UIMC1: variants seen among roughly 807,000 people sequenced by gnomAD.
The protein encoded by UIMC1 is BRCA1-A complex subunit RAP80.
UIMC1 carries 42 observed loss-of-function variants against 84.9 expected under a neutral mutation model. The observed-to-expected ratio is 0.49, with a 90% CI of 0.39 to 0.64. The LOEUF (loss-of-function observed/expected upper bound fraction) is 0.64, where lower values mean the gene tolerates loss of function less well. Ranked by LOEUF, UIMC1 falls within the 30% of genes least tolerant of loss-of-function variation. The pLI, the probability that UIMC1 is intolerant of heterozygous loss-of-function variation, is 0.00. For synonymous variants in UIMC1, 281 were observed against 293.0 expected, an observed-to-expected ratio of 0.96 and a Z score of 0.42; for missense variants, 825 against 847.6, an observed-to-expected ratio of 0.97 and a Z score of 0.33.
At chr5:176,992,827 C>T (rs896067041) in intron 1 of UIMC1, among the ~76,000 whole-genome samples, 1 of 151,706 alleles carries the variant, frequency 6.6e-6, no homozygotes, top group Non-Finnish European at 1.5e-5. Context: ...CAAAAAGCCA[C>T]CATAGAATGG....
chr5:176,973,620 A>G (rs902190412), intron 3 of UIMC1, among the ~76,000 whole-genome samples: 1 of 152,032 alleles, frequency 6.6e-6, no homozygotes, highest in Non-Finnish European at 1.5e-5. Flanking sequence ...ATTTTAAAAA[A>G]TAGCTGGGTG....
At chr5:177,006,390 A>AGCCCC in intron 1 of UIMC1, 1 of 152,226 alleles carries the variant, frequency 6.6e-6, no homozygotes, top group Admixed American at 6.5e-5. Context: ...GGAGGGTCCC[A>AGCCCC]GCCCCGCATC....
intron 13 of UIMC1, among the ~76,000 whole-genome samples, chr5:176,906,670 C>T (rs898087943): frequency 1.3e-5 from 2 of 152,206 alleles, no homozygotes; most frequent in African/African-American, 2.4e-5. Flanking sequence ...CTTAACCAAT[C>T]CACTCTACTG....
At chr5:176,941,140 G>T (rs1217914697) in intron 10 of UIMC1, among the ~76,000 whole-genome samples, 1 of 152,184 alleles carries the variant, frequency 6.6e-6, no homozygotes, top group Admixed American at 6.5e-5. Context: ...TTAAGTAAAT[G>T]ACAGCAATCC....
chr5:176,953,739 G>A (rs1364989806), intron 8 of UIMC1, among the ~76,000 whole-genome samples: 7 of 152,286 alleles, frequency 4.6e-5, no homozygotes, highest in African/African-American at 1.4e-4. Context: ...AAAAAGCAAT[G>A]CTAGAAGCAT....
At chr5:177,021,134 TG>T (rs1189785020) in intron 1 of UIMC1, among the ~76,000 whole-genome samples, 3 of 152,034 alleles carry the variant, frequency 2.0e-5, no homozygotes, top group African/African-American at 7.2e-5. Flanking sequence ...AAAAATTAGC[TG>T]GGTGCCGTGG....
chr5:176,911,294 G>A lies in UIMC1; in HGVS notation c.1676+17C>T. ...TATGTTATACAAGAGCTCCGTGAAT[G>A]CAGCATACCTACTTACTTGTCAATG... On this transcript the variant is annotated intron_variant, in intron 11 of 14. Coordinates refer to ENST00000511320, the MANE Select transcript of UIMC1 (RefSeq NM_001199298.2). 1 of 1,581,190 alleles carries A rather than the reference G, an allele frequency of 6.3e-7. No homozygotes were observed. The highest frequency in any genetic ancestry group is 1.4e-5 in the African/African-American group (1 of 73,596).
intron 10 of UIMC1, among the ~76,000 whole-genome samples, chr5:176,933,298 C>T (rs940390789): frequency 6.6e-6 from 1 of 152,024 alleles, no homozygotes; most frequent in Non-Finnish European, 1.5e-5. Context: ...TTTTAAAAAA[C>T]AAAAAATGTC....
chr5:176,908,377 T>C, intron 12 of UIMC1, 146 bp downstream of exon 12: 1 of 815,014 alleles, frequency 1.2e-6, no homozygotes, highest in Non-Finnish European at 1.8e-6. Context: ...AAAGGAAAAA[T>C]AATTTTAAAA....
intron 1 of UIMC1, among the ~76,000 whole-genome samples, chr5:176,986,325 A>G (rs1233644874): frequency 7.8e-6 from 1 of 127,526 alleles, no homozygotes; most frequent in Non-Finnish European, 1.6e-5. Context: ...GTGCCACTGC[A>G]CTCCGGCCTG....
At chr5:176,979,629 G>T (rs1287273377) in intron 2 of UIMC1, among the ~76,000 whole-genome samples, 1 of 151,440 alleles carries the variant, frequency 6.6e-6, no homozygotes, top group African/African-American at 2.4e-5. Context: ...AGGTGGAAAA[G>T]AATGCAATTG....
At chr5:176,958,063 G>A in intron 7 of UIMC1, 30 bp downstream of exon 7, 2 of 1,609,864 alleles carry the variant, frequency 1.2e-6, no homozygotes, top group Non-Finnish European at 1.7e-6. Flanking sequence ...ACCATCAGAG[G>A]AGAATGCATA....
At chr5:176,969,920 G>A in intron 4 of UIMC1, 1 of 478,724 alleles carries the variant, frequency 2.1e-6, no homozygotes, top group Non-Finnish European at 3.8e-6. Context: ...AAACAGGGAG[G>A]CAAATGGCAT....
At chr5:176,918,258 C>T (rs1315471647) in intron 10 of UIMC1, among the ~76,000 whole-genome samples, 1 of 152,246 alleles carries the variant, frequency 6.6e-6, no homozygotes, top group Non-Finnish European at 1.5e-5. Flanking sequence ...ACATATTAGA[C>T]TGAACCATAT....
At chr5:176,928,722 T>G (rs965685865) in intron 10 of UIMC1, among the ~76,000 whole-genome samples, 1 of 151,398 alleles carries the variant, frequency 6.6e-6, no homozygotes, top group African/African-American at 2.4e-5. Flanking sequence ...GAGGCTGAGG[T>G]GGGCGGATCA....
chr5:176,983,959 C>T (rs1317280254), intron 1 of UIMC1, among the ~76,000 whole-genome samples: 3 of 144,974 alleles, frequency 2.1e-5, no homozygotes, highest in Non-Finnish European at 4.5e-5. Context: ...TCTGCCCAGC[C>T]GCCCCGTCTG....
chr5:176,910,235 G>A (rs992366256), intron 11 of UIMC1, among the ~76,000 whole-genome samples: 2 of 152,198 alleles, frequency 1.3e-5, no homozygotes, highest in African/African-American at 4.8e-5. Flanking sequence ...AACTAAATTA[G>A]GGAAGACAGC....
Position 176,969,068 on chromosome 5 carries a change from C to G in UIMC1, c.687G>C (p.Gln229His), listed in dbSNP as rs918208248. The change falls in exon 6 of 15, where the codon CAG (glutamine) becomes CAC (histidine). Residue 229 changes from glutamine (Q) to histidine (H), a missense_variant. Transcript: ENST00000511320. The part of the protein sequence containing the change: ...RCTGHSAEHT[Q>H]CGKPQESTGR... Reference sequence around the variant, plus strand: ...CAGTACTTTCCTGTGGCTTCCCACACTGTGTGTGCTCAGCCGAGTGGCCAG... The same window carrying G: ...CAGTACTTTCCTGTGGCTTCCCACAGTGTGTGTGCTCAGCCGAGTGGCCAG... 42 of 1,614,098 alleles carry G rather than the reference C, an allele frequency of 2.6e-5. No homozygotes were observed. Among genetic ancestry groups the G allele is most frequent in the East Asian group, 4.5e-5 (2 of 44,896 alleles).
At chr5:176,991,995 A>C (rs1772930157) in intron 1 of UIMC1, among the ~76,000 whole-genome samples, 1 of 152,026 alleles carries the variant, frequency 6.6e-6, no homozygotes, top group Non-Finnish European at 1.5e-5. Flanking sequence ...GGTGGTGCAC[A>C]CCTATAGTCC....
Sources: allele counts gnomAD v4.1 joint callset (sites outside exome capture counted in the v4.1 genomes callset), GRCh38; gene constraint gnomAD v4.1.1; transcripts MANE v1.5; gene names NCBI Gene and HGNC (gene_info 2026-07-23, HGNC 2026-07-21).